Variants in UBAP2L observed in about 807,000 individuals in gnomAD.
The protein encoded by UBAP2L is ubiquitin associated protein 2 like.
Under a neutral mutation model 130.6 loss-of-function variants are expected in UBAP2L, and 12 were observed. That is an observed-to-expected ratio of 0.09 (90% CI 0.06 to 0.15). The LOEUF (loss-of-function observed/expected upper bound fraction) is 0.15, where lower values mean the gene tolerates loss of function less well. Ranked by LOEUF, UBAP2L falls within the 10% of genes least tolerant of loss-of-function variation. UBAP2L has a pLI of 1.00. For missense variants in UBAP2L, 965 were observed against 1,332.5 expected, an observed-to-expected ratio of 0.72 and a Z score of 4.29; for synonymous variants, 503 against 524.7, an observed-to-expected ratio of 0.96 and a Z score of 0.57.
chr1:154,263,036 G>C (rs1156266418), intron 24 of UBAP2L: 2 of 1,505,860 alleles, frequency 1.3e-6, no homozygotes, highest in Non-Finnish European at 1.8e-6. Flanking sequence ...AGAACCCCCA[G>C]TTCCCAACCC....
chr1:154,270,823 T>C lies in UBAP2L; in HGVS notation c.*528T>C. On this transcript the variant is annotated 3_prime_UTR_variant, in exon 27 of 27. Coordinates refer to ENST00000428931, the MANE Select transcript of UBAP2L (RefSeq NM_014847.4). Reference sequence around the variant, plus strand: ...TCAAATTTAATGGATTAATGTGTCTTGTATATATAAAAAGAAAACCTCTAC... The same window carrying C: ...TCAAATTTAATGGATTAATGTGTCTCGTATATATAAAAAGAAAACCTCTAC... 6.6e-7 allele frequency: 1 copy of C among 1,520,222 alleles called. No homozygotes were observed. The highest frequency in any genetic ancestry group is 8.8e-7 in the Non-Finnish European group (1 of 1,133,694). 94.2% of individuals were successfully genotyped at this position (1,520,222 alleles called of 1,614,324 possible). A position where few individuals can be genotyped will look rare whatever the true frequency, so the allele number is the denominator to read the frequency against.
intron 4 of UBAP2L, among the ~76,000 whole-genome samples, chr1:154,231,925 A>C (rs1366618402): frequency 6.6e-6 from 1 of 152,214 alleles, no homozygotes; most frequent in African/African-American, 2.4e-5. Context: ...AATCCTGATA[A>C]GGTTAATAAT....
Position 154,227,312 on chromosome 1 carries a change from A to G in UBAP2L, c.121A>G (p.Met41Val). 6.2e-7 allele frequency: 1 copy of G among 1,613,786 alleles called. No homozygotes were observed. Among genetic ancestry groups the G allele is most frequent in the Non-Finnish European group, 8.5e-7 (1 of 1,179,826 alleles). ...ATAEQIRLAQ[M>V]ISDHNDADFE... Reference sequence around the variant, plus strand: ...TGCAGAACAAATTAGACTTGCACAGATGATTTCGGACCATAATGATGCTGA... The same window carrying G: ...TGCAGAACAAATTAGACTTGCACAGGTGATTTCGGACCATAATGATGCTGA... The change falls in exon 3 of 27, where the codon ATG becomes GTG. Residue 41 changes from methionine to valine, a missense_variant. Physicochemically the swap from Met to Val is conservative, Grantham distance 21 (BLOSUM62 1). Coordinates refer to ENST00000428931, the MANE Select transcript of UBAP2L (RefSeq NM_014847.4).
At chr1:154,220,238 G>C (rs893710882), upstream of UBAP2L, 1 of 1,386,400 alleles carries the variant, frequency 7.2e-7, no homozygotes, top group African/African-American at 1.4e-5. Context: ...AGCCCGGATA[G>C]GCGCAGGTGA....
At chr1:154,251,000 A>G (rs201647838) in intron 12 of UBAP2L, 41 bp from the exon 13 acceptor site, 1 of 1,567,338 alleles carries the variant, frequency 6.4e-7, no homozygotes, top group East Asian at 2.2e-5. Context: ...CTTGAGATTC[A>G]TTAGCATCTC....
chr1:154,260,403 G>A (rs1558219979), intron 22 of UBAP2L, among the ~76,000 whole-genome samples: 1 of 152,234 alleles, frequency 6.6e-6, no homozygotes. Flanking sequence ...AGGAAATACA[G>A]TGGTTGAGGT....
chr1:154,246,911 A>G (rs768375691), intron 11 of UBAP2L, among the ~76,000 whole-genome samples: 3 of 152,224 alleles, frequency 2.0e-5, no homozygotes, highest in Admixed American at 6.5e-5. Flanking sequence ...AAAGGTGGCT[A>G]TACAAGTGTG....
At chr1:154,262,019 G>A (rs1025453971) in intron 24 of UBAP2L, among the ~76,000 whole-genome samples, 2 of 152,230 alleles carry the variant, frequency 1.3e-5, no homozygotes, top group Non-Finnish European at 2.9e-5. Context: ...GTGGAGGCAA[G>A]TGTTAATAGT....
intron 17 of UBAP2L, 147 bp from the exon 18 acceptor site, chr1:154,255,536 C>T (rs1270449078): frequency 2.1e-5 from 23 of 1,114,054 alleles, no homozygotes; most frequent in Non-Finnish European, 2.6e-5. Context: ...GCTCTCTACC[C>T]CTGGCTGGCC....
At chr1:154,261,877 G>C (rs1166832174) in intron 24 of UBAP2L, among the ~76,000 whole-genome samples, 180 bp downstream of exon 24, 3 of 152,212 alleles carry the variant, frequency 2.0e-5, no homozygotes, top group Non-Finnish European at 4.4e-5. Flanking sequence ...AGAGGAGCTT[G>C]ATACTAGGAC....
chr1:154,224,340 G>T (rs1185497824), intron 1 of UBAP2L, among the ~76,000 whole-genome samples: 1 of 152,128 alleles, frequency 6.6e-6, no homozygotes, highest in Non-Finnish European at 1.5e-5. Flanking sequence ...TTGCCATTTT[G>T]GTTTCTTGAA....
rs376285759 is a variant in UBAP2L at position 154,257,240 on chromosome 1, T to C, written c.2335T>C (p.Ser779Pro). The C allele has an allele frequency of 5.9e-5, 96 of 1,614,064 alleles. No homozygotes were observed. In the African/African-American group the frequency reaches 8.3e-4, roughly 14 times the overall value. Residue 779 changes from serine (S) to proline (P), a missense_variant, in exon 19 of 27, where the codon TCA (serine) becomes CCA (proline). Ser to Pro is a moderately conservative substitution (Grantham distance 74). Coordinates refer to ENST00000428931, the MANE Select transcript of UBAP2L (RefSeq NM_014847.4). ...CACTGTCACAGCCTCGACTCGAAGC[T>C]CAGTTGCTACGACTTCAGGTAGCCT... ...NSTVTASTRS[S>P]VATTSGKAPP...
intron 15 of UBAP2L, among the ~76,000 whole-genome samples, chr1:154,254,330 A>G (rs1194246703): frequency 6.6e-6 from 1 of 152,222 alleles, no homozygotes; most frequent in Non-Finnish European, 1.5e-5. Flanking sequence ...TAGTAGAATC[A>G]GTCTCAAGTG....
chr1:154,255,900 G>A, intron 18 of UBAP2L, 145 bp downstream of exon 18: 1 of 941,348 alleles, frequency 1.1e-6, no homozygotes, highest in East Asian at 2.4e-5. Context: ...GGAGTAAAGG[G>A]ATGTTAGGAA....
chr1:154,227,538 C>T (rs1325654963), intron 3 of UBAP2L, among the ~76,000 whole-genome samples, 179 bp downstream of exon 3: 6 of 150,876 alleles, frequency 4.0e-5, no homozygotes, highest in African/African-American at 1.5e-4. Flanking sequence ...TTTTTGTAGC[C>T]CTTTGTTTTG....
Position 154,259,037 on chromosome 1 carries a change from A to G in UBAP2L, c.2496+7A>G, listed in dbSNP as rs997675116. 1.9e-6 allele frequency: 3 copies of G among 1,613,190 alleles called. No individual in the cohort carries two copies. Among genetic ancestry groups the G allele is most frequent in the Non-Finnish European group, 2.5e-6 (3 of 1,179,206 alleles). On this transcript the variant is annotated splice_region_variant and intron_variant, in intron 21 of 26. Coordinates refer to ENST00000428931, the MANE Select transcript of UBAP2L (RefSeq NM_014847.4). ...TCAGACAAGATTTCCATTGGTGAGT[A>G]TGTGGGATAGAGCTTTGGAAAAGAA...
rs1451588358 is a variant in UBAP2L, at chr1:154,257,252, A to C, written c.2347A>C (p.Thr783Pro). The C allele has an allele frequency of 6.2e-7, 1 of 1,614,184 alleles. No individual in the cohort carries two copies. Among genetic ancestry groups the C allele is most frequent in the South Asian group, 1.1e-5 (1 of 91,086 alleles). ...TASTRSSVAT[T>P]SGKAPPNLPP... The stretch of plus-strand genomic sequence containing the variant: ...CTCGACTCGAAGCTCAGTTGCTACG[A>C]CTTCAGGTAGCCTTGCATAAGCAGA... Residue 783 changes from threonine to proline, a missense_variant, in exon 19 of 27, where the codon ACT becomes CCT. Physicochemically the swap from Thr to Pro is conservative, Grantham distance 38. Transcript: ENST00000428931.
intron 10 of UBAP2L, among the ~76,000 whole-genome samples, chr1:154,244,114 C>T (rs1674513913): frequency 6.6e-6 from 1 of 152,130 alleles, no homozygotes; most frequent in Non-Finnish European, 1.5e-5. Context: ...ATACACTCTT[C>T]AGGGAATATT....
chr1:154,242,597 A>G (rs1673937220), intron 9 of UBAP2L, among the ~76,000 whole-genome samples: 1 of 152,226 alleles, frequency 6.6e-6, no homozygotes, highest in Non-Finnish European at 1.5e-5. Flanking sequence ...ACCCAAATCA[A>G]CTTTTGAATA....
Sources: allele counts gnomAD v4.1 joint callset (sites outside exome capture counted in the v4.1 genomes callset), GRCh38; gene constraint gnomAD v4.1.1; transcripts MANE v1.5; gene names NCBI Gene and HGNC (gene_info 2026-07-23, HGNC 2026-07-21).